Variants in SLC6A6 observed in about 807,000 individuals in gnomAD.
The protein encoded by SLC6A6 is solute carrier family 6 member 6, also known as sodium- and chloride-dependent taurine transporter.
Under a neutral mutation model 68.8 loss-of-function variants are expected in SLC6A6, and 16 were observed. That is an observed-to-expected ratio of 0.23 (90% CI 0.16 to 0.35). The LOEUF is 0.35. Among genes scored for constraint, SLC6A6 ranks in the 10% least tolerant of loss-of-function variants. The pLI is 1.00. For missense variants in SLC6A6, 474 were observed against 802.8 expected (o/e 0.59, Z 4.95); for synonymous variants, 312 against 315.4 (o/e 0.99, Z 0.12).
intron 2 of SLC6A6, among the ~76,000 whole-genome samples, chr3:14,426,509 A>G (rs369469731): frequency 6.6e-6 from 1 of 152,254 alleles, no homozygotes; most frequent in African/African-American, 2.4e-5. Flanking sequence ...ATTAGACTCT[A>G]AGATGCTACA....
chr3:14,423,343 A>G (rs998612643), intron 2 of SLC6A6, among the ~76,000 whole-genome samples: 1 of 152,134 alleles, frequency 6.6e-6, no homozygotes, highest in Non-Finnish European at 1.5e-5. Context: ...CTCACACATG[A>G]ATGTTGTGAG....
chr3:14,442,890 A>G (rs1283318653), intron 2 of SLC6A6, among the ~76,000 whole-genome samples: 1 of 152,210 alleles, frequency 6.6e-6, no homozygotes, highest in African/African-American at 2.4e-5. Flanking sequence ...AGGGTGGACA[A>G]ATGGGGATGA....
At chr3:14,408,641 C>T (rs559726235) in intron 1 of SLC6A6, among the ~76,000 whole-genome samples, 1 of 152,288 alleles carries the variant, frequency 6.6e-6, no homozygotes, top group South Asian at 2.1e-4. Flanking sequence ...TAAGGTTATA[C>T]ATTTCCCTCT....
In SLC6A6 at chr3:14,445,095, G is replaced by A. The variant is rs114416957; in HGVS notation, c.230-622G>A. On this transcript the variant is annotated intron_variant, in intron 3 of 14. Transcript: ENST00000622186. ...TCCTTGTTCAGGGGACGGATGTGGA[G>A]GAGACAGGCAGGCAGTAGGCACAGC... 9.3e-3 allele frequency among the ~76,000 whole-genome samples: 1,414 copies of A among 152,294 alleles called. 21 individuals are homozygous for A. Among genetic ancestry groups the A allele is most frequent in the African/African-American group, 0.032 (1,313 of 41,538 alleles).
rs1168400590 is a variant in SLC6A6 at position 14,446,574 on chromosome 3, T to A, written c.364+723T>A. ...ATCTAAACAAGAAAAAAGAAGCCTG[T>A]AGCTACTTGGCAGTAGAGTGCAGCA... On this transcript the variant is annotated intron_variant, in intron 4 of 14. Coordinates refer to ENST00000622186, the MANE Select transcript of SLC6A6 (RefSeq NM_003043.6). Among the ~76,000 whole-genome samples the A allele has an allele frequency of 2.0e-5, 3 of 152,202 alleles. No homozygotes were observed. The East Asian group carries it at 5.8e-4, about 29-fold the overall frequency.
intron 1 of SLC6A6, among the ~76,000 whole-genome samples, chr3:14,404,637 C>T (rs1006050131): frequency 6.6e-6 from 1 of 152,206 alleles, no homozygotes; most frequent in Non-Finnish European, 1.5e-5. Context: ...GGTTGATTCC[C>T]TTGGTTTCTT....
At chr3:14,440,723 T>C (rs1010541506) in intron 2 of SLC6A6, among the ~76,000 whole-genome samples, 4 of 152,064 alleles carry the variant, frequency 2.6e-5, no homozygotes, top group Non-Finnish European at 4.4e-5. Flanking sequence ...GATAGAGAGC[T>C]GTGGGTGGAT....
Position 14,477,240 on chromosome 3 carries a change from T to C in SLC6A6, c.1245T>C (p.Val415=). The C allele has an allele frequency of 6.2e-7, 1 of 1,613,834 alleles. No individual in the cohort carries two copies. ...TTGAAGGACAGATCACATCCTTGGT[T>C]GATCTTTACCCATCCTTCCTAAGGA... The part of the protein sequence containing the change: ...VEVEGQITSL[V]DLYPSFLRKG... The change falls in exon 11 of 15, where the codon GTT becomes GTC. Residue 415 remains valine (V), a synonymous_variant. Transcript: ENST00000622186. This position sits in a 1 kb window ranked among gnomAD's most constrained non-coding sequence, Gnocchi z 4.2.
chr3:14,431,872 G>T (rs542026021), intron 2 of SLC6A6, among the ~76,000 whole-genome samples: 2 of 152,196 alleles, frequency 1.3e-5, no homozygotes, highest in South Asian at 2.1e-4. Flanking sequence ...GGAACAAGGA[G>T]GGGGAGGTTG....
At chr3:14,475,614 G>C (rs560538562) in intron 10 of SLC6A6, among the ~76,000 whole-genome samples, 2 of 152,282 alleles carry the variant, frequency 1.3e-5, no homozygotes, top group African/African-American at 4.8e-5. Flanking sequence ...CTCTGGAAGC[G>C]GCAGGAACTG....
chr3:14,439,111 C>T (rs1210047892), intron 2 of SLC6A6, among the ~76,000 whole-genome samples: 5 of 152,240 alleles, frequency 3.3e-5, no homozygotes, highest in Non-Finnish European at 5.9e-5. Context: ...GTGCAGAGAC[C>T]TCTTTCTAAG....
chr3:14,425,649 G>A (rs905473320), intron 2 of SLC6A6, among the ~76,000 whole-genome samples: 1 of 151,348 alleles, frequency 6.6e-6, no homozygotes, highest in African/African-American at 2.4e-5. Context: ...GGGCTGCAGT[G>A]GGTGACACAC....
intron 5 of SLC6A6, among the ~76,000 whole-genome samples, chr3:14,454,933 A>G (rs1471058140): frequency 6.6e-6 from 1 of 152,060 alleles, no homozygotes; most frequent in Non-Finnish European, 1.5e-5. Flanking sequence ...TGTCTCCAGG[A>G]CCGAGCTCCT....
chr3:14,481,425 G>A lies in SLC6A6; in HGVS notation c.1552-246G>A, dbSNP rs913997101. The stretch of plus-strand genomic sequence containing the variant: ...TTCTGCTGACACTCCCGGCTGCACC[G>A]AGGAGTTTGGGCTGCATCTGCTGGC... On this transcript the variant is annotated intron_variant, in intron 13 of 14. Coordinates refer to ENST00000622186, the MANE Select transcript of SLC6A6 (RefSeq NM_003043.6). The surrounding 1 kb of genome is among the most constrained non-coding windows in gnomAD (Gnocchi z 4.7). 2.6e-5 allele frequency among the ~76,000 whole-genome samples: 4 copies of A among 152,156 alleles called. No individual in the cohort carries two copies. Among genetic ancestry groups the A allele is most frequent in the African/African-American group, 7.2e-5 (3 of 41,430 alleles).
intron 1 of SLC6A6, among the ~76,000 whole-genome samples, chr3:14,412,164 C>T (rs887610213): frequency 6.6e-6 from 1 of 152,188 alleles, no homozygotes; most frequent in African/African-American, 2.4e-5. Flanking sequence ...TCCTGCGGGA[C>T]TCCTTTAAGG....
intron 1 of SLC6A6, among the ~76,000 whole-genome samples, chr3:14,413,268 G>A (rs1159201961): frequency 6.6e-6 from 1 of 152,188 alleles, no homozygotes; most frequent in Non-Finnish European, 1.5e-5. Flanking sequence ...ATACATTCCA[G>A]GGAACACAGC....
intron 2 of SLC6A6, among the ~76,000 whole-genome samples, chr3:14,432,483 C>T (rs1313065107): frequency 2.6e-5 from 4 of 152,166 alleles, no homozygotes; most frequent in South Asian, 2.1e-4. Context: ...GGGGCCCCTA[C>T]AGCAGCCTGA....
In SLC6A6 at chr3:14,485,053, A is replaced by T. The variant is rs555424510; in HGVS notation, c.*46A>T. The stretch of plus-strand genomic sequence containing the variant: ...CCGGCGGCTTTCCTGCTGTTTACTA[A>T]CATTAGATTCTCATAGGACCAGGTT... On this transcript the variant is annotated 3_prime_UTR_variant, in exon 15 of 15. Coordinates refer to ENST00000622186, the MANE Select transcript of SLC6A6 (RefSeq NM_003043.6). 2.0e-6 allele frequency: 3 copies of T among 1,537,870 alleles called. No homozygotes were observed. The highest frequency in any genetic ancestry group is 2.7e-6 in the Non-Finnish European group (3 of 1,127,030).
At chr3:14,445,891 T>A (rs1293781631) in intron 4 of SLC6A6, 40 bp downstream of exon 4, 1 of 1,607,942 alleles carries the variant, frequency 6.2e-7, no homozygotes, top group Admixed American at 1.7e-5. Flanking sequence ...CTGGCACTCA[T>A]CAGTTCCACA....
Sources: allele counts gnomAD v4.1 joint callset (sites outside exome capture counted in the v4.1 genomes callset), GRCh38; gene constraint gnomAD v4.1.1; non-coding constraint Gnocchi (gnomAD v3.1); transcripts MANE v1.5; gene names NCBI Gene and HGNC (gene_info 2026-07-23, HGNC 2026-07-21).